The following ERAP1 variants were observed in gnomAD, a reference collection of about 807,000 sequenced individuals.
ERAP1 encodes the protein endoplasmic reticulum aminopeptidase 1.
ERAP1 carries 86 observed loss-of-function variants against 103.7 expected under a neutral mutation model. The ratio of observed to expected loss-of-function variants is 0.83; its 90% CI spans 0.70 to 0.99. The LOEUF is 0.99. Among genes scored for constraint, ERAP1 ranks in the 50% least tolerant of loss-of-function variants. ERAP1 has a pLI of 0.00. For synonymous variants in ERAP1, 398 were observed against 402.4 expected, an observed-to-expected ratio of 0.99 and a Z score of 0.13; for missense variants, 1,009 against 1,128.4, an observed-to-expected ratio of 0.89 and a Z score of 1.52.
chr5:96,892,345 G>A, the ERAP1 span: 2 of 1,613,810 alleles, frequency 1.2e-6, no homozygotes, highest in South Asian at 1.1e-5. Context: ...TGGAAAATTG[G>A]GGCCTCATTA....
the ERAP1 span, among the ~76,000 whole-genome samples, chr5:96,830,139 C>A: frequency 6.6e-6 from 1 of 152,062 alleles, no homozygotes; most frequent in African/African-American, 2.4e-5. Context: ...GAGATGAGAG[C>A]CTATGGGACT....
At chr5:96,835,966 T>C in the ERAP1 span, among the ~76,000 whole-genome samples, 352 of 152,328 alleles carry the variant, frequency 2.3e-3, 1 homozygote, top group Middle Eastern at 6.8e-3. Flanking sequence ...TAAGGTTATA[T>C]GGGACCTCCG....
chr5:96,816,475 T>C, the ERAP1 span, among the ~76,000 whole-genome samples: 2 of 152,164 alleles, frequency 1.3e-5, no homozygotes, highest in African/African-American at 4.8e-5. Flanking sequence ...AACTTGCCCT[T>C]ATGCCAGGAT....
At chr5:96,925,671 C>T in the ERAP1 span, among the ~76,000 whole-genome samples, 3 of 152,316 alleles carry the variant, frequency 2.0e-5, no homozygotes, top group South Asian at 6.2e-4. Flanking sequence ...ACAGTCACCA[C>T]AGTTTGGACT....
chr5:96,839,041 C>G, the ERAP1 span, among the ~76,000 whole-genome samples: 12 of 152,290 alleles, frequency 7.9e-5, no homozygotes, highest in Admixed American at 2.0e-4. Context: ...GAATGGCTCA[C>G]AGAACCCAAG....
Position 96,797,307 on chromosome 5 carries a change from C to T in ERAP1, c.666G>A (p.Val222=). 6.2e-7 allele frequency: 1 copy of T among 1,613,818 alleles called. No homozygotes were observed. Among genetic ancestry groups the T allele is most frequent in the Non-Finnish European group, 8.5e-7 (1 of 1,179,908 alleles). ...RHLAISNMPL[V]KSVTVAEGLI... The stretch of plus-strand genomic sequence containing the variant: ...GTCCTTCAGCAACAGTCACAGATTT[C>T]ACCTAAAATCAGAATAATTCAAATT... Residue 222 remains valine (V), a splice_region_variant and synonymous_variant, in exon 4 of 19, where the codon GTG becomes GTA. Transcript: ENST00000443439.
At chr5:96,818,786 A>G in the ERAP1 span, among the ~76,000 whole-genome samples, 1 of 152,140 alleles carries the variant, frequency 6.6e-6, no homozygotes, top group Non-Finnish European at 1.5e-5. Flanking sequence ...TCCACTATTC[A>G]CTTAAAGGAA....
the ERAP1 span, chr5:96,879,922 C>T: frequency 1.3e-5 from 21 of 1,614,132 alleles, no homozygotes; most frequent in South Asian, 1.8e-4. Context: ...TCCATTATGA[C>T]CTCTTTGTCC....
At chr5:96,913,197 G>A in the ERAP1 span, 1 of 720,112 alleles carries the variant, frequency 1.4e-6, no homozygotes, top group Non-Finnish European at 2.2e-6. Flanking sequence ...TTAAAAAATT[G>A]GTAATTATAC....
the ERAP1 span, chr5:96,895,289 G>T: frequency 6.2e-7 from 1 of 1,612,868 alleles, no homozygotes; most frequent in Admixed American, 1.7e-5. Flanking sequence ...AATGATATTT[G>T]GCTTAAGGAG....
chr5:96,761,340 GAATTT>G (rs1767880061), exon 20 of ERAP1: 1 of 152,074 alleles, frequency 6.6e-6, no homozygotes, highest in Non-Finnish European at 1.5e-5. Flanking sequence ...AACTAAAAAT[GAATTT>G]AATTTAGTAC....
chr5:96,928,678 A>T, the ERAP1 span, among the ~76,000 whole-genome samples: 1 of 152,220 alleles, frequency 6.6e-6, no homozygotes. Context: ...TAGGTTTTAC[A>T]GTAGCCCTAG....
At chr5:96,786,961 G>A (rs1776092780) in intron 11 of ERAP1, among the ~76,000 whole-genome samples, 1 of 152,076 alleles carries the variant, frequency 6.6e-6, no homozygotes, top group African/African-American at 2.4e-5. Flanking sequence ...AATCCAAACT[G>A]AAAGGCATTC....
At chr5:96,935,506 A>G in the ERAP1 span, 4,913 of 152,992 alleles carry the variant, frequency 0.032, 149 homozygotes, top group South Asian at 0.088. Flanking sequence ...TTCGCGGTTC[A>G]GATAGCGACC....
the ERAP1 span, among the ~76,000 whole-genome samples, chr5:96,922,255 G>T: frequency 1.3e-5 from 2 of 152,174 alleles, no homozygotes; most frequent in African/African-American, 2.4e-5. Flanking sequence ...CCGAGATCAG[G>T]CCACTGCACT....
rs957580019 is a variant in ERAP1, at chr5:96,785,800, A to C, written c.1931T>G (p.Phe644Cys). Reference protein sequence around the residue: ...NDRASLINNAFQLVSIGKLSI... With the variant: ...NDRASLINNACQLVSIGKLSI... ...CAGCGTGTATTACCTGACGAGCTGA[A>C]ATGCATTGTTAATGAGACTCGCCCG... The change falls in exon 13 of 19, where the codon TTT becomes TGT. Residue 644 changes from phenylalanine (F) to cysteine (C), a missense_variant. Physicochemically the swap from Phe to Cys is radical, Grantham distance 205. Transcript: ENST00000443439. 1.9e-5 allele frequency: 31 copies of C among 1,614,012 alleles called. No individual in the cohort carries two copies. The highest frequency in any genetic ancestry group is 2.7e-5 in the African/African-American group (2 of 74,918).
At chr5:96,780,960 A>C in intron 17 of ERAP1, 98 bp downstream of exon 17, 1 of 1,409,818 alleles carries the variant, frequency 7.1e-7, no homozygotes, top group Non-Finnish European at 1.0e-6. Context: ...ATCAAAAAGT[A>C]CCTTTAGACT....
At chr5:96,901,835 T>C in the ERAP1 span, among the ~76,000 whole-genome samples, 1 of 152,188 alleles carries the variant, frequency 6.6e-6, no homozygotes, top group Non-Finnish European at 1.5e-5. Context: ...TTAAAGAGCT[T>C]CATATAACCC....
In ERAP1 at chr5:96,792,162, C is replaced by T. The variant is rs376696268; in HGVS notation, c.1219G>A (p.Ala407Thr). 1.2e-5 allele frequency: 19 copies of T among 1,613,500 alleles called. No individual in the cohort carries two copies. The highest frequency in any genetic ancestry group is 6.7e-5 in the African/African-American group (5 of 74,892). ...GAATTTAAAGCATCTACCTCCATTG[C>T]GTCAAAACATTTGCCAAAGAAATAA... ...GDYFFGKCFD[A>T]MEVDALNSSH... The change falls in exon 8 of 19, where the codon GCA becomes ACA. Residue 407 changes from alanine (A) to threonine (T), a missense_variant. Ala to Thr is a moderately conservative substitution (Grantham distance 58). Around this residue, in one of 3 missense-constraint regions of ERAP1, gnomAD observed 611 missense variants for 651.7 expected, o/e 0.94. Transcript: ENST00000443439.
Sources: gnomAD v4.1 joint callset for allele counts (sites outside exome capture counted in the v4.1 genomes callset) on GRCh38, gnomAD v4.1.1 for gene constraint, gnomAD v4.1.1 regional missense constraint, MANE v1.5 for transcripts, NCBI Gene and HGNC (gene_info 2026-07-23, HGNC 2026-07-21) for gene names.